Variants in COL28A1 observed in about 807,000 individuals in gnomAD.
COL28A1 encodes collagen type XXVIII alpha 1 chain, also known as collagen alpha-1(XXVIII) chain.
A neutral mutation model predicts 150.2 loss-of-function variants in COL28A1; 161 were observed. The ratio of observed to expected loss-of-function variants is 1.07; its 90% confidence interval spans 0.94 to 1.22. COL28A1 has a LOEUF of 1.22. Ranked by LOEUF, COL28A1 falls within the 50% of genes most tolerant of loss-of-function variation. COL28A1 has a pLI of 0.00. For synonymous variants in COL28A1, 552 were observed against 469.7 expected (o/e 1.18, Z -2.26); for missense variants, 1,617 against 1,388.3 (o/e 1.16, Z -2.62).
intron 27 of COL28A1, among the ~76,000 whole-genome samples, chr7:7,397,764 A>G (rs999711635): frequency 5.9e-5 from 9 of 152,328 alleles, no homozygotes; most frequent in African/African-American, 2.2e-4. Context: ...GTAGCTAGAA[A>G]TGTTGTACAG....
At chr7:7,540,065 C>T (rs1173270374), upstream of COL28A1, among the ~76,000 whole-genome samples, 1 of 151,754 alleles carries the variant, frequency 6.6e-6, no homozygotes, top group Non-Finnish European at 1.5e-5. Context: ...TATTTTAGAC[C>T]AAAAATAAAT....
chr7:7,498,140 A>G (rs867604784), intron 11 of COL28A1, among the ~76,000 whole-genome samples: 18 of 152,168 alleles, frequency 1.2e-4, no homozygotes, highest in African/African-American at 4.3e-4. Context: ...ATATTTGATC[A>G]TGTTTGGCCT....
At chr7:7,415,155 GAGAC>G (rs2128305831) in intron 27 of COL28A1, among the ~76,000 whole-genome samples, 1 of 152,334 alleles carries the variant, frequency 6.6e-6, no homozygotes, top group Admixed American at 6.5e-5. Context: ...AGGGGATAGA[GAGAC>G]AGAGTACAGT....
chr7:7,480,851 T>C (rs1789331865), intron 13 of COL28A1, among the ~76,000 whole-genome samples: 1 of 152,192 alleles, frequency 6.6e-6, no homozygotes, highest in Non-Finnish European at 1.5e-5. Context: ...CTCTGCTACA[T>C]AGTAGCAGTT....
At chr7:7,464,366 T>C (rs777894814) in intron 15 of COL28A1, among the ~76,000 whole-genome samples, 14 of 152,192 alleles carry the variant, frequency 9.2e-5, no homozygotes, top group Non-Finnish European at 1.6e-4. Flanking sequence ...ATACATTCTA[T>C]TCAACAGTGC....
intron 25 of COL28A1, among the ~76,000 whole-genome samples, chr7:7,432,163 G>C (rs989174526): frequency 2.0e-5 from 3 of 152,200 alleles, no homozygotes; most frequent in Non-Finnish European, 2.9e-5. Flanking sequence ...GGGGCTGGAC[G>C]AGAGTATCTA....
chr7:7,422,413 A>G (rs1237427342), intron 25 of COL28A1, among the ~76,000 whole-genome samples: 1 of 152,000 alleles, frequency 6.6e-6, no homozygotes, highest in East Asian at 1.9e-4. Flanking sequence ...GGTGGATCAC[A>G]TGGTCAGGAG....
chr7:7,436,269 G>A (rs1038877563), intron 23 of COL28A1, 126 bp downstream of exon 23: 20 of 700,692 alleles, frequency 2.9e-5, no homozygotes, highest in Non-Finnish European at 4.8e-5. Context: ...AAAGGGAATA[G>A]CTATATTCTT....
At chr7:7,534,411 T>C (rs932620168) in intron 1 of COL28A1, among the ~76,000 whole-genome samples, 4 of 152,168 alleles carry the variant, frequency 2.6e-5, no homozygotes, top group Admixed American at 2.6e-4. Context: ...ACTTTAAGTC[T>C]GAAGGTTAGT....
chr7:7,514,438 G>T (rs542276978), intron 8 of COL28A1, among the ~76,000 whole-genome samples: 1 of 152,232 alleles, frequency 6.6e-6, no homozygotes, highest in Admixed American at 6.5e-5. Context: ...AGTTACCTAA[G>T]TTCTTAAGGC....
chr7:7,507,437 ATTACT>A (rs1780873285), intron 9 of COL28A1, among the ~76,000 whole-genome samples: 2 of 152,208 alleles, frequency 1.3e-5, no homozygotes, highest in Admixed American at 6.5e-5. Flanking sequence ...CAGTAAAGAA[ATTACT>A]TTATAAGATT....
At chr7:7,520,466 C>T (rs922268193) in intron 5 of COL28A1, among the ~76,000 whole-genome samples, 4 of 152,212 alleles carry the variant, frequency 2.6e-5, no homozygotes, top group African/African-American at 9.6e-5. Flanking sequence ...TTCCCAATCT[C>T]TCTTCATTGT....
chr7:7,534,780 A>G (rs919996024), intron 1 of COL28A1, among the ~76,000 whole-genome samples: 2 of 152,184 alleles, frequency 1.3e-5, no homozygotes, highest in Non-Finnish European at 2.9e-5. Context: ...ATTCACAAAC[A>G]TAACTTTTCC....
rs750996528 is a variant in COL28A1 at position 7,531,853 on chromosome 7, G to A, written c.176C>T (p.Ser59Phe). ...IVFIVDSSES[S>F]KIALFDKQKD... ...CTGTTTATCAAAGAGGGCAATTTTA[G>A]AACTTTCAGAGCTGTCCACGATGAA... The change falls in exon 3 of 35, where the codon TCT (serine) becomes TTT (phenylalanine). Residue 59 changes from serine to phenylalanine, a missense_variant. Physicochemically the swap from Ser to Phe is radical, Grantham distance 155. Coordinates refer to ENST00000399429, the MANE Select transcript of COL28A1 (RefSeq NM_001037763.3). 2.5e-5 allele frequency: 40 copies of A among 1,609,684 alleles called. No homozygotes were observed. The highest frequency in any genetic ancestry group is 2.9e-5 in the Non-Finnish European group (34 of 1,176,194).
chr7:7,378,646 T>C (rs574143403), intron 30 of COL28A1, among the ~76,000 whole-genome samples: 1 of 152,110 alleles, frequency 6.6e-6, no homozygotes, highest in Non-Finnish European at 1.5e-5. Flanking sequence ...TGAGAACAGC[T>C]TTCATGGGGG....
At chr7:7,499,860 G>A (rs1055927055) in intron 11 of COL28A1, among the ~76,000 whole-genome samples, 27 of 152,236 alleles carry the variant, frequency 1.8e-4, no homozygotes, top group African/African-American at 5.8e-4. Context: ...AAACAATAAT[G>A]TATTTTTAAA....
At chr7:7,522,806 C>CCAAAAAAAAAAAAAAAAAAA (rs1460030225) in intron 4 of COL28A1, among the ~76,000 whole-genome samples, 1 of 93,158 alleles carries the variant, frequency 1.1e-5, no homozygotes, top group African/African-American at 5.1e-5. Context: ...AGCTGAAGAG[C>CCAAAAAAAAAAAAAAAAAAA]AAAAAAAAAA....
intron 3 of COL28A1, among the ~76,000 whole-genome samples, chr7:7,526,497 G>T (rs1205927138): frequency 6.6e-6 from 1 of 152,012 alleles, no homozygotes; most frequent in Non-Finnish European, 1.5e-5. Context: ...AGAGAGAAAA[G>T]AAATTCAAAA....
At chr7:7,382,357 A>C (rs186497712) in intron 27 of COL28A1, among the ~76,000 whole-genome samples, 56 of 152,198 alleles carry the variant, frequency 3.7e-4, no homozygotes, top group African/African-American at 1.3e-3. Flanking sequence ...CGGGGAAAAG[A>C]GTATATAACA....
Sources: allele counts gnomAD v4.1 joint callset (sites outside exome capture counted in the v4.1 genomes callset), GRCh38; gene constraint gnomAD v4.1.1; transcripts MANE v1.5; gene names NCBI Gene and HGNC (gene_info 2026-07-23, HGNC 2026-07-21).